The following ESF1 variants were observed in gnomAD, a reference collection of about 807,000 sequenced individuals.
ESF1 encodes the protein ESF1 homolog.
A neutral mutation model predicts 92.0 loss-of-function variants in ESF1; 58 were observed. That is an observed-to-expected ratio of 0.63 (90% CI 0.51 to 0.78). ESF1 has a LOEUF of 0.78. ESF1 is among the 30% of genes least tolerant of loss of function. The pLI is 0.00. For missense variants in ESF1, 922 were observed against 989.1 expected (o/e 0.93, Z 0.91); for synonymous variants, 321 against 313.7 (o/e 1.02, Z -0.24).
intron 9 of ESF1, among the ~76,000 whole-genome samples, chr20:13,748,564 A>G (rs74179717): frequency 3.3e-5 from 4 of 119,544 alleles, no homozygotes; most frequent in African/African-American, 1.2e-4. Context: ...ATATATATAT[A>G]TGTGTGTGTG....
chr20:13,723,135 TA>T (rs1179106801), intron 11 of ESF1, among the ~76,000 whole-genome samples: 1 of 152,220 alleles, frequency 6.6e-6, no homozygotes, highest in Non-Finnish European at 1.5e-5. Flanking sequence ...GTTCCCATAA[TA>T]AACTTCCTCC....
At chr20:13,722,064 T>C (rs910978839) in intron 11 of ESF1, among the ~76,000 whole-genome samples, 2 of 152,192 alleles carry the variant, frequency 1.3e-5, no homozygotes, top group Non-Finnish European at 2.9e-5. Context: ...CAAAATATTA[T>C]TCTGTAGCAG....
chr20:13,714,986 A>G lies in ESF1; in HGVS notation c.2444T>C (p.Ile815Thr), dbSNP rs1292019169. The change falls in exon 14 of 14, where the codon ATT becomes ACT. Residue 815 changes from isoleucine (I) to threonine (T), a missense_variant. By Grantham distance (89) the Ile-to-Thr change is moderately conservative. Transcript: ENST00000617257. ...TQAIKKKESE[I>T]EKESQRKSID... Reference sequence around the variant, plus strand: ...GGACTTCCTTTGTGATTCCTTTTCAATCTCACTCTCTTTTTTCTTTATTGC... The same window carrying G: ...GGACTTCCTTTGTGATTCCTTTTCAGTCTCACTCTCTTTTTTCTTTATTGC... 6.8e-6 allele frequency: 11 copies of G among 1,613,814 alleles called. No homozygotes were observed. The African/African-American group carries it at 8.0e-5, about 12-fold the overall frequency.
chr20:13,733,923 T>C, intron 9 of ESF1, 81 bp from the exon 10 acceptor site: 1 of 1,439,622 alleles, frequency 6.9e-7, no homozygotes, highest in Non-Finnish European at 9.3e-7. Context: ...TAAAGACAAA[T>C]ATAATTTATG....
At chr20:13,717,018 C>T (rs919357789) in intron 13 of ESF1, among the ~76,000 whole-genome samples, 1 of 151,700 alleles carries the variant, frequency 6.6e-6, no homozygotes, top group Non-Finnish European at 1.5e-5. Context: ...GGGGTTTCAC[C>T]GTGTTAGCCA....
chr20:13,746,941 A>G (rs1398098929), intron 9 of ESF1, among the ~76,000 whole-genome samples: 1 of 152,162 alleles, frequency 6.6e-6, no homozygotes, highest in Non-Finnish European at 1.5e-5. Flanking sequence ...AATAACTACT[A>G]AGAAAGCAGT....
rs941845438 is a variant in ESF1 at position 13,766,691 on chromosome 20, A to C, written c.1666+86T>G. The C allele has an allele frequency of 4.3e-5, 57 of 1,328,310 alleles. No individual in the cohort carries two copies. The South Asian group carries it at 6.3e-4, about 15-fold the overall frequency. 82.3% of individuals were successfully genotyped at this position (1,328,310 alleles called of 1,614,324 possible). On this transcript the variant is annotated intron_variant, in intron 8 of 13. Coordinates refer to ENST00000617257, the MANE Select transcript of ESF1 (RefSeq NM_001276380.2). ...TATATATAATACTGTGCATGTGAGC[A>C]TATCTGCAGACAGAATTTGGCTTTC...
chr20:13,731,855 G>A (rs1252422218), intron 10 of ESF1, among the ~76,000 whole-genome samples: 3 of 152,194 alleles, frequency 2.0e-5, no homozygotes, highest in East Asian at 1.9e-4. Flanking sequence ...ATAAAAACCC[G>A]AGAAACGAGT....
rs1980258877 is a variant in ESF1, at chr20:13,782,697, T to G, written c.444A>C (p.Ile148=). ...CCTTCTTCGGACTTATGTTTGAATC[T>G]ATCTTAAATTTACATGAGGTTTTCA... The part of the protein sequence containing the change: ...KKMKTSCKFK[I]DSNISPKKDS... Residue 148 remains isoleucine (I), a synonymous_variant, in exon 2 of 14, where the codon ATA becomes ATC. Coordinates refer to ENST00000617257, the MANE Select transcript of ESF1 (RefSeq NM_001276380.2). 6.3e-7 allele frequency: 1 copy of G among 1,586,190 alleles called. No individual in the cohort carries two copies. The highest frequency in any genetic ancestry group is 1.4e-5 in the African/African-American group (1 of 72,992).
chr20:13,748,586 A>AT (rs1978430884), intron 9 of ESF1, among the ~76,000 whole-genome samples: 8 of 85,790 alleles, frequency 9.3e-5, no homozygotes, highest in Admixed American at 1.4e-4. Flanking sequence ...ATATATATAT[A>AT]TATATATTTT....
At chr20:13,762,122 C>T (rs576832241) in intron 8 of ESF1, among the ~76,000 whole-genome samples, 1 of 151,644 alleles carries the variant, frequency 6.6e-6, no homozygotes, top group African/African-American at 2.4e-5. Flanking sequence ...TTTCTTTTTT[C>T]AGCAAGTCCT....
chr20:13,764,540 TTAAC>T (rs1364643000), intron 8 of ESF1, among the ~76,000 whole-genome samples: 1 of 152,184 alleles, frequency 6.6e-6, no homozygotes, highest in African/African-American at 2.4e-5. Context: ...CTCCCAAAAC[TTAAC>T]TAATAGTCTA....
chr20:13,759,902 C>T (rs1326855337), intron 8 of ESF1, 49 bp from the exon 9 acceptor site: 5 of 1,533,308 alleles, frequency 3.3e-6, no homozygotes, highest in Non-Finnish European at 4.3e-6. Context: ...TCATTTCTAA[C>T]TCGTGTTCAG....
chr20:13,729,649 A>C (rs947891703), intron 10 of ESF1, among the ~76,000 whole-genome samples: 3 of 148,740 alleles, frequency 2.0e-5, no homozygotes, highest in African/African-American at 7.9e-5. Context: ...TTGGTTAAAG[A>C]AAAGAATTTT....
intron 9 of ESF1, among the ~76,000 whole-genome samples, chr20:13,743,913 AT>A (rs1043069627): frequency 2.6e-5 from 4 of 152,242 alleles, no homozygotes; most frequent in Non-Finnish European, 4.4e-5. Context: ...TCAATTAAAT[AT>A]TTTTAAAAAA....
chr20:13,748,548 G>GTATA (rs1232051296), intron 9 of ESF1, among the ~76,000 whole-genome samples: 3 of 49,532 alleles, frequency 6.1e-5, no homozygotes, highest in East Asian at 2.6e-3. Context: ...ATATGTGTGT[G>GTATA]TATATATATA....
intron 9 of ESF1, among the ~76,000 whole-genome samples, chr20:13,754,956 C>T (rs937264276): frequency 6.6e-6 from 1 of 152,224 alleles, no homozygotes; most frequent in Non-Finnish European, 1.5e-5. Context: ...TACTCCTATG[C>T]TACTTCCTCT....
Position 13,758,805 on chromosome 20 carries a change from TG to T in ESF1, c.1828+886del, listed in dbSNP as rs1418144290. 3.3e-5 allele frequency among the ~76,000 whole-genome samples: 5 copies of T among 152,326 alleles called. No homozygotes were observed. The East Asian group carries it at 7.7e-4, about 23-fold the overall frequency. ...AAACAGTATTGACTGCAGAAGTCCC[TG>T]ATGATTTGCCCAACAATGTTGAAAA... On this transcript the variant is annotated intron_variant, in intron 9 of 13. Transcript: ENST00000617257.
At chr20:13,744,019 T>C (rs1286227575) in intron 9 of ESF1, among the ~76,000 whole-genome samples, 2 of 152,182 alleles carry the variant, frequency 1.3e-5, no homozygotes, top group Admixed American at 1.3e-4. Flanking sequence ...CAGGTAAATA[T>C]AAGTTATTGC....
Sources: allele counts gnomAD v4.1 joint callset (sites outside exome capture counted in the v4.1 genomes callset), GRCh38; gene constraint gnomAD v4.1.1; transcripts MANE v1.5; gene names NCBI Gene and HGNC (gene_info 2026-07-23, HGNC 2026-07-21).